The following DPP6 variants were observed in gnomAD, a reference collection of about 807,000 sequenced individuals.
The protein encoded by DPP6 is A-type potassium channel modulatory protein DPP6.
In DPP6, 69 loss-of-function variants were observed where a neutral mutation model predicts 122.6. That is an observed-to-expected ratio of 0.56 (90% CI 0.46 to 0.69). DPP6 has a LOEUF of 0.69. Among genes scored for constraint, DPP6 ranks in the 30% least tolerant of loss-of-function variants. The probability of loss-of-function intolerance (pLI) is 0.00; values close to 1 mark genes in which losing one functional copy is unlikely to be tolerated. For synonymous variants in DPP6, 418 were observed against 433.1 expected, an observed-to-expected ratio of 0.97 and a Z score of 0.43; for missense variants, 928 against 1,116.9, an observed-to-expected ratio of 0.83 and a Z score of 2.41.
upstream of DPP6, among the ~76,000 whole-genome samples, chr7:154,049,680 C>T (rs1800197954): frequency 6.9e-6 from 1 of 144,922 alleles, no homozygotes; most frequent in African/African-American, 2.5e-5. Flanking sequence ...CTCCGCCTCC[C>T]GGGTTCAAGC....
At chr7:154,305,178 A>C (rs1244752312) in intron 1 of DPP6, 1 of 984,200 alleles carries the variant, frequency 1.0e-6, no homozygotes, top group Non-Finnish European at 1.2e-6. Flanking sequence ...CCCTTCCTGC[A>C]CCCAGCCGCC....
the DPP6 span, among the ~76,000 whole-genome samples, chr7:153,764,320 G>A: frequency 1.3e-5 from 2 of 149,312 alleles, no homozygotes; most frequent in Admixed American, 6.6e-5. Flanking sequence ...TTCTGCACTC[G>A]CTAGTCCTCC....
At chr7:153,883,908 G>A (rs368115603), upstream of DPP6, among the ~76,000 whole-genome samples, 69 of 152,310 alleles carry the variant, frequency 4.5e-4, no homozygotes, top group African/African-American at 1.4e-3. Context: ...AGAACACAGC[G>A]CCTCTAACAA....
intron 1 of DPP6, among the ~76,000 whole-genome samples, chr7:154,379,278 G>A (rs1277093133): frequency 1.3e-5 from 2 of 152,106 alleles, no homozygotes; most frequent in East Asian, 3.9e-4. Flanking sequence ...AAATGTTGCT[G>A]TAAGAATTTA....
At chr7:154,777,765 G>A (rs762142756) in intron 10 of DPP6, among the ~76,000 whole-genome samples, 5 of 152,040 alleles carry the variant, frequency 3.3e-5, no homozygotes, top group East Asian at 3.9e-4. Context: ...AAGCAGAGGC[G>A]GTAAAGGGCT....
At chr7:154,694,287 G>A (rs913581444) in intron 7 of DPP6, among the ~76,000 whole-genome samples, 3 of 152,158 alleles carry the variant, frequency 2.0e-5, no homozygotes, top group African/African-American at 7.2e-5. Context: ...ACTTGGGGAG[G>A]ACACGAACAT....
At chr7:153,762,550 C>A in the DPP6 span, among the ~76,000 whole-genome samples, 1 of 151,904 alleles carries the variant, frequency 6.6e-6, no homozygotes, top group Non-Finnish European at 1.5e-5. Flanking sequence ...GCGTGTGGAT[C>A]ACCTGAGGTC....
At chr7:154,248,089 C>A (rs1802107618) in intron 1 of DPP6, among the ~76,000 whole-genome samples, 1 of 152,124 alleles carries the variant, frequency 6.6e-6, no homozygotes, top group African/African-American at 2.4e-5. Context: ...GGTGTTCTCA[C>A]ATGGCAGAAA....
At chr7:154,254,669 A>G (rs1164994761) in intron 1 of DPP6, among the ~76,000 whole-genome samples, 2 of 152,130 alleles carry the variant, frequency 1.3e-5, no homozygotes, top group Non-Finnish European at 2.9e-5. Context: ...CTTGATGTGT[A>G]TGGGTAGTAA....
At chr7:154,132,705 C>G (rs1387963590) in intron 1 of DPP6, among the ~76,000 whole-genome samples, 1 of 152,046 alleles carries the variant, frequency 6.6e-6, no homozygotes, top group Non-Finnish European at 1.5e-5. Flanking sequence ...GATAACATCC[C>G]TATTCCTTAT....
intron 8 of DPP6, among the ~76,000 whole-genome samples, chr7:154,762,539 T>A (rs987996215): frequency 3.3e-5 from 5 of 152,352 alleles, no homozygotes; most frequent in South Asian, 2.1e-4. Flanking sequence ...TCCGCAGTAG[T>A]TGAATTCGCA....
chr7:154,719,762 A>T (rs1019424477), intron 7 of DPP6, among the ~76,000 whole-genome samples: 1 of 152,112 alleles, frequency 6.6e-6, no homozygotes, highest in Non-Finnish European at 1.5e-5. Flanking sequence ...CACTGCCCCC[A>T]TCAGCTGTGG....
chr7:154,811,372 T>C lies in DPP6; in HGVS notation c.1666+4260T>C, dbSNP rs77432599. Among the ~76,000 whole-genome samples, 1,278 of 152,320 alleles carry C rather than the reference T, an allele frequency of 8.4e-3. 19 individuals are homozygous for C. The highest frequency in any genetic ancestry group is 0.029 in the African/African-American group (1,196 of 41,560). Reference sequence around the variant, plus strand: ...GGGAAAGCTGAGCAGGCATTGGCGATGATTGCCTAAGGGATGAGAAGATCA... The same window carrying C: ...GGGAAAGCTGAGCAGGCATTGGCGACGATTGCCTAAGGGATGAGAAGATCA... On this transcript the variant is annotated intron_variant, in intron 16 of 25. Transcript: ENST00000377770.
chr7:153,800,447 T>A, the DPP6 span, among the ~76,000 whole-genome samples: 6 of 151,906 alleles, frequency 3.9e-5, no homozygotes, highest in Non-Finnish European at 7.4e-5. Context: ...TGAAGAGAGG[T>A]TGCTTAATGG....
At chr7:154,443,741 G>A (rs569985526) in intron 1 of DPP6, among the ~76,000 whole-genome samples, 1 of 152,184 alleles carries the variant, frequency 6.6e-6, no homozygotes, top group South Asian at 2.1e-4. Context: ...GATGGATGTG[G>A]ATCACTGGGT....
chr7:153,799,085 C>T, the DPP6 span, among the ~76,000 whole-genome samples: 2 of 152,168 alleles, frequency 1.3e-5, no homozygotes, highest in African/African-American at 2.4e-5. Context: ...TAGACAAGGC[C>T]GTGGACTGGT....
At chr7:153,821,141 C>G in the DPP6 span, among the ~76,000 whole-genome samples, 1 of 152,048 alleles carries the variant, frequency 6.6e-6, no homozygotes. Flanking sequence ...TTAATAATTA[C>G]ATAATTAATC....
chr7:154,750,313 C>G (rs574887378), intron 8 of DPP6, among the ~76,000 whole-genome samples: 35 of 152,320 alleles, frequency 2.3e-4, no homozygotes, highest in South Asian at 1.7e-3. Context: ...GATGTCTACA[C>G]AGCCACCCTG....
In DPP6 at chr7:154,481,491, C is replaced by T. The variant is rs565351651; in HGVS notation, c.457+6454C>T. ...CATCCTCCCCCAACCTCTTCACAGA[C>T]CCCCCGCTGCCCACTGTGCGAGCAC... On this transcript the variant is annotated intron_variant, in intron 3 of 25. Coordinates refer to ENST00000377770, the MANE Select transcript of DPP6 (RefSeq NM_130797.4). This position sits in a 1 kb window ranked among gnomAD's most constrained non-coding sequence, Gnocchi z 4.2. Among the ~76,000 whole-genome samples the T allele has an allele frequency of 4.0e-5, 6 of 150,558 alleles. No homozygotes were observed. Among genetic ancestry groups the T allele is most frequent in the Middle Eastern group, 3.4e-3 (1 of 292 alleles).
Sources: allele counts gnomAD v4.1 joint callset (sites outside exome capture counted in the v4.1 genomes callset), GRCh38; gene constraint gnomAD v4.1.1; non-coding constraint Gnocchi (gnomAD v3.1); transcripts MANE v1.5; gene names NCBI Gene and HGNC (gene_info 2026-07-23, HGNC 2026-07-21).